The following FBXL13 variants were observed in gnomAD, a reference collection of about 807,000 sequenced individuals.
The protein encoded by FBXL13 is F-box and leucine-rich repeat protein 13.
FBXL13 carries 67 observed loss-of-function variants against 83.6 expected under a neutral mutation model. The ratio of observed to expected loss-of-function variants is 0.80; its 90% CI spans 0.66 to 0.98. The LOEUF is 0.98. Ranked by LOEUF, FBXL13 falls within the 50% of genes least tolerant of loss-of-function variation. FBXL13 has a pLI of 0.00. For synonymous variants in FBXL13, 272 were observed against 299.5 expected (o/e 0.91, Z 0.95); for missense variants, 822 against 866.5 (o/e 0.95, Z 0.64).
At chr7:103,046,140 G>A (rs1311570315) in intron 2 of FBXL13, among the ~76,000 whole-genome samples, 2 of 152,176 alleles carry the variant, frequency 1.3e-5, no homozygotes, top group African/African-American at 4.8e-5. Flanking sequence ...TGGATAAAGA[G>A]TCTACTTGCT....
intron 10 of FBXL13, among the ~76,000 whole-genome samples, chr7:102,921,013 G>A (rs951506980): frequency 2.0e-5 from 3 of 151,984 alleles, no homozygotes; most frequent in Admixed American, 1.3e-4. Context: ...TTAGCCTGGC[G>A]TGGTGGCGGG....
intron 6 of FBXL13, among the ~76,000 whole-genome samples, chr7:103,019,959 C>A (rs907663543): frequency 6.6e-6 from 1 of 152,122 alleles, no homozygotes; most frequent in Non-Finnish European, 1.5e-5. Flanking sequence ...AGGGAACAAC[C>A]CCTAACTCAT....
chr7:102,939,452 C>T, intron 8 of FBXL13: 1 of 1,608,356 alleles, frequency 6.2e-7, no homozygotes, highest in South Asian at 1.1e-5. Flanking sequence ...TGCCAAACAA[C>T]ATCCCTCCAG....
At chr7:103,004,976 G>A (rs1790826702) in intron 6 of FBXL13, among the ~76,000 whole-genome samples, 1 of 152,138 alleles carries the variant, frequency 6.6e-6, no homozygotes, top group African/African-American at 2.4e-5. Context: ...ACATATGCCT[G>A]TAAATCAAGG....
chr7:103,044,091 A>T (rs1407585344), intron 2 of FBXL13, among the ~76,000 whole-genome samples: 1 of 152,238 alleles, frequency 6.6e-6, no homozygotes, highest in Non-Finnish European at 1.5e-5. Context: ...GTAGGGGGGA[A>T]CCTGAATGAA....
chr7:103,054,072 C>T (rs748027148), intron 2 of FBXL13, among the ~76,000 whole-genome samples: 74 of 152,180 alleles, frequency 4.9e-4, no homozygotes, highest in Non-Finnish European at 3.7e-4. Flanking sequence ...CCTGCCTGGA[C>T]CTACCAGACA....
intron 2 of FBXL13, among the ~76,000 whole-genome samples, chr7:103,046,031 T>C (rs575800577): frequency 1.3e-5 from 2 of 152,352 alleles, no homozygotes; most frequent in South Asian, 2.1e-4. Context: ...ACTATTATTA[T>C]GACTCTCAGG....
chr7:102,966,140 T>C (rs1005836277), intron 7 of FBXL13, among the ~76,000 whole-genome samples: 18 of 152,248 alleles, frequency 1.2e-4, no homozygotes, highest in Admixed American at 1.1e-3. Flanking sequence ...ACTGATTTCA[T>C]CTTACCAAAC....
chr7:103,074,743 T>C (rs751148216), upstream of FBXL13: 1 of 1,289,824 alleles, frequency 7.8e-7, no homozygotes, highest in Non-Finnish European at 1.0e-6. Flanking sequence ...TTCTTCAGCC[T>C]CGGGTTGGCA....
At chr7:102,873,208 A>C (rs1217012286) in intron 16 of FBXL13, among the ~76,000 whole-genome samples, 1 of 152,206 alleles carries the variant, frequency 6.6e-6, no homozygotes, top group Non-Finnish European at 1.5e-5. Flanking sequence ...GTGAATTTCA[A>C]TTAGTTTCCT....
intron 18 of FBXL13, chr7:102,827,097 G>A (rs918883503): frequency 2.2e-6 from 1 of 452,614 alleles, no homozygotes; most frequent in Admixed American, 2.4e-5. Flanking sequence ...CAAAGGAATG[G>A]AGCAGAAGTC....
intron 9 of FBXL13, among the ~76,000 whole-genome samples, chr7:102,929,095 T>G (rs748123692): frequency 6.6e-6 from 1 of 152,202 alleles, no homozygotes; most frequent in African/African-American, 2.4e-5. Flanking sequence ...CTAATTTAAA[T>G]GCTGACTCTG....
intron 17 of FBXL13, among the ~76,000 whole-genome samples, chr7:102,834,285 T>G (rs1801442869): frequency 6.7e-6 from 1 of 150,208 alleles, no homozygotes; most frequent in African/African-American, 2.4e-5. Flanking sequence ...GTTAGAGACC[T>G]CAGTAAATGG....
Position 102,945,994 on chromosome 7 carries a change from G to A in FBXL13, c.725-14061C>T, listed in dbSNP as rs191042882. On this transcript the variant is annotated intron_variant, in intron 8 of 19. Coordinates refer to ENST00000313221, the Ensembl canonical transcript of FBXL13. ...CCTTCCGGGTTCAAGCGATTCTCCT[G>A]TCTCAACCTCCCGAGTAGCTGGTAT... Among the ~76,000 whole-genome samples the A allele has an allele frequency of 3.3e-5, 5 of 152,178 alleles. No individual in the cohort carries two copies. The East Asian group carries it at 7.7e-4, about 24-fold the overall frequency.
intron 6 of FBXL13, among the ~76,000 whole-genome samples, chr7:102,993,577 G>A (rs1327197227): frequency 6.6e-6 from 1 of 151,622 alleles, no homozygotes; most frequent in Non-Finnish European, 1.5e-5. Context: ...TTTTCTCTGT[G>A]TTGCTTGCCA....
chr7:102,953,087 T>C (rs1823677102), intron 8 of FBXL13, among the ~76,000 whole-genome samples: 1 of 152,122 alleles, frequency 6.6e-6, no homozygotes, highest in South Asian at 2.1e-4. Flanking sequence ...CCTCAAACTT[T>C]AAACCAAACA....
At chr7:102,999,887 T>C (rs904215083) in intron 6 of FBXL13, among the ~76,000 whole-genome samples, 6 of 152,200 alleles carry the variant, frequency 3.9e-5, no homozygotes, top group African/African-American at 1.2e-4. Flanking sequence ...TCAGTCTTAA[T>C]TTATTTCTGC....
intron 6 of FBXL13, among the ~76,000 whole-genome samples, chr7:102,986,227 C>A (rs1383531948): frequency 1.3e-5 from 2 of 152,110 alleles, no homozygotes; most frequent in Non-Finnish European, 1.5e-5. Flanking sequence ...GCCAAACCAG[C>A]CCCACAAAAT....
chr7:102,913,027 G>A, intron 11 of FBXL13, 59 bp downstream of exon 12: 1 of 1,610,730 alleles, frequency 6.2e-7, no homozygotes, highest in African/African-American at 1.3e-5. Flanking sequence ...GCTGAATGCA[G>A]CCCATTCTCT....
Sources: gnomAD v4.1 joint callset for allele counts (sites outside exome capture counted in the v4.1 genomes callset) on GRCh38, gnomAD v4.1.1 for gene constraint, MANE v1.5 for transcripts, NCBI Gene and HGNC (gene_info 2026-07-23, HGNC 2026-07-21) for gene names.